KCNIP1: variants seen among roughly 807,000 people sequenced by gnomAD.
The protein encoded by KCNIP1 is potassium voltage-gated channel interacting protein 1.
A neutral mutation model predicts 33.0 loss-of-function variants in KCNIP1; 18 were observed. The ratio of observed to expected loss-of-function variants is 0.55; its 90% CI spans 0.38 to 0.81. The LOEUF is 0.81. Among genes scored for constraint, KCNIP1 ranks in the 30% least tolerant of loss-of-function variants. The pLI is 0.00. For missense variants in KCNIP1, 238 were observed against 271.6 expected (o/e 0.88, Z 0.87); for synonymous variants, 93 against 98.3 (o/e 0.95, Z 0.32).
At chr5:170,493,441 A>C (rs954125776) in intron 1 of KCNIP1, among the ~76,000 whole-genome samples, 6 of 152,212 alleles carry the variant, frequency 3.9e-5, no homozygotes, top group African/African-American at 1.4e-4. Flanking sequence ...ATCTTTAGGA[A>C]GATCCCATTG....
At chr5:170,638,116 A>G (rs1760367019) in intron 1 of KCNIP1, among the ~76,000 whole-genome samples, 1 of 152,184 alleles carries the variant, frequency 6.6e-6, no homozygotes, top group Admixed American at 6.5e-5. Context: ...AGGGCCTGGC[A>G]TTGCCAGATT....
intron 7 of KCNIP1, 121 bp downstream of exon 7, chr5:170,734,019 CCAACAACACCAG>C: frequency 2.9e-6 from 2 of 690,424 alleles, no homozygotes; most frequent in Non-Finnish European, 5.0e-6. Context: ...CCCATCAGAG[CCAACAACACCAG>C]CAACAACTGT....
chr5:170,632,409 C>A (rs1042429782), intron 1 of KCNIP1, among the ~76,000 whole-genome samples: 2 of 152,254 alleles, frequency 1.3e-5, no homozygotes, highest in African/African-American at 4.8e-5. Context: ...CGCTTCCTTG[C>A]AAGGCTTTTG....
At chr5:170,641,675 C>T (rs1027133903) in intron 1 of KCNIP1, among the ~76,000 whole-genome samples, 21 of 152,326 alleles carry the variant, frequency 1.4e-4, no homozygotes, top group African/African-American at 5.1e-4. Context: ...TGGCGGCTTC[C>T]AGGTACCATC....
intron 1 of KCNIP1, among the ~76,000 whole-genome samples, chr5:170,625,094 T>G (rs1324715791): frequency 1.3e-5 from 2 of 152,012 alleles, no homozygotes; most frequent in East Asian, 1.9e-4. Context: ...TCAGAGCCTC[T>G]TTCTACTCTG....
intron 1 of KCNIP1, among the ~76,000 whole-genome samples, chr5:170,369,038 G>C (rs759562482): frequency 6.6e-6 from 1 of 152,196 alleles, no homozygotes; most frequent in Non-Finnish European, 1.5e-5. Flanking sequence ...TGAAGGGGAG[G>C]CATGCTTACA....
chr5:170,505,470 G>T (rs925872091), intron 1 of KCNIP1, among the ~76,000 whole-genome samples: 3 of 152,158 alleles, frequency 2.0e-5, no homozygotes, highest in African/African-American at 4.8e-5. Flanking sequence ...GGAAATGATG[G>T]GTTTTGTTTT....
intron 1 of KCNIP1, among the ~76,000 whole-genome samples, chr5:170,626,416 A>C (rs1183343721): frequency 1.3e-5 from 2 of 152,172 alleles, no homozygotes; most frequent in Non-Finnish European, 2.9e-5. Context: ...TGGGGAAGGC[A>C]GTCTGCCCCC....
At chr5:170,521,651 G>A (rs1011501112) in intron 1 of KCNIP1, among the ~76,000 whole-genome samples, 1 of 152,168 alleles carries the variant, frequency 6.6e-6, no homozygotes, top group African/African-American at 2.4e-5. Context: ...TGCACCATCG[G>A]CCACCTTTAG....
intron 1 of KCNIP1, among the ~76,000 whole-genome samples, chr5:170,704,539 T>C (rs1763193788): frequency 6.6e-6 from 1 of 152,124 alleles, no homozygotes; most frequent in Admixed American, 6.5e-5. Flanking sequence ...TCTGGAAAGG[T>C]AGACCAGGGC....
At chr5:170,686,089 A>G (rs533793234) in intron 1 of KCNIP1, among the ~76,000 whole-genome samples, 3 of 152,294 alleles carry the variant, frequency 2.0e-5, no homozygotes, top group East Asian at 3.9e-4. Flanking sequence ...ACAAAGTACT[A>G]TCAGGATACT....
intron 1 of KCNIP1, among the ~76,000 whole-genome samples, chr5:170,566,599 TGATTCAGGAGA>T (rs1757213608): frequency 6.6e-6 from 1 of 152,188 alleles, no homozygotes; most frequent in Non-Finnish European, 1.5e-5. Context: ...AGGTCTGCAA[TGATTCAGGAGA>T]CCTCGTAGTC....
At chr5:170,682,791 T>TC in intron 1 of KCNIP1, among the ~76,000 whole-genome samples, 1 of 129,884 alleles carries the variant, frequency 7.7e-6, no homozygotes, top group African/African-American at 2.8e-5. Context: ...TTTCTTTTTT[T>TC]TTTTTTTTTT....
intron 1 of KCNIP1, among the ~76,000 whole-genome samples, chr5:170,509,387 A>G (rs1754847371): frequency 6.6e-6 from 1 of 152,196 alleles, no homozygotes; most frequent in African/African-American, 2.4e-5. Context: ...TGGAAGACAG[A>G]GGAGAAGGAC....
At chr5:170,580,217 T>C (rs180963209) in intron 1 of KCNIP1, among the ~76,000 whole-genome samples, 1 of 152,296 alleles carries the variant, frequency 6.6e-6, no homozygotes. Flanking sequence ...CTTCAAAGGA[T>C]AAAACTGCTC....
chr5:170,624,767 G>C (rs1296384950), intron 1 of KCNIP1, among the ~76,000 whole-genome samples: 1 of 128,838 alleles, frequency 7.8e-6, no homozygotes, highest in Non-Finnish European at 1.7e-5. Flanking sequence ...GAGGGGAGGG[G>C]AGTGGGGGAG....
intron 1 of KCNIP1, among the ~76,000 whole-genome samples, chr5:170,396,192 C>T (rs314120): frequency 0.073 from 11,116 of 152,218 alleles, 727 homozygotes; most frequent in East Asian, 0.28. Flanking sequence ...CCACAGGGAA[C>T]AGTGACCTAG....
intron 1 of KCNIP1, among the ~76,000 whole-genome samples, chr5:170,465,501 T>A (rs1007302634): frequency 1.3e-5 from 2 of 152,220 alleles, no homozygotes; most frequent in African/African-American, 4.8e-5. Flanking sequence ...TGTCAACTTT[T>A]ATTGAGCACC....
At chr5:170,605,278 C>A (rs1008161837) in intron 1 of KCNIP1, among the ~76,000 whole-genome samples, 19 of 152,144 alleles carry the variant, frequency 1.2e-4, no homozygotes, top group African/African-American at 3.1e-4. Flanking sequence ...GTCTGGGAAC[C>A]CCTCTGGCCC....
Sources: gnomAD v4.1 joint callset for allele counts (sites outside exome capture counted in the v4.1 genomes callset) on GRCh38, gnomAD v4.1.1 for gene constraint, MANE v1.5 for transcripts, NCBI Gene and HGNC (gene_info 2026-07-23, HGNC 2026-07-21) for gene names.